LRCH3: variants seen among roughly 807,000 people sequenced by gnomAD.
The protein encoded by LRCH3 is DISP complex protein LRCH3.
Under a neutral mutation model 104.5 loss-of-function variants are expected in LRCH3, and 68 were observed. The ratio of observed to expected loss-of-function variants is 0.65; its 90% confidence interval spans 0.54 to 0.80. The LOEUF is 0.80. Ranked by LOEUF, LRCH3 falls within the 30% of genes least tolerant of loss-of-function variation. The probability of loss-of-function intolerance (pLI) is 0.00; values close to 1 mark genes in which losing one functional copy is unlikely to be tolerated. For synonymous variants in LRCH3, 344 were observed against 361.3 expected, an observed-to-expected ratio of 0.95 and a Z score of 0.54; for missense variants, 951 against 953.9, an observed-to-expected ratio of 1.00 and a Z score of 0.04.
chr3:197,799,593 G>A lies in LRCH3; in HGVS notation c.262+8053G>A, dbSNP rs576525898. ...ATTAAAAACAGGTTTTTGGCTAGGCGCGGTGGCTCATGCCTGTAATCCCAG... is the reference window on the plus strand; with the variant it reads ...ATTAAAAACAGGTTTTTGGCTAGGCACGGTGGCTCATGCCTGTAATCCCAG... On this transcript the variant is annotated intron_variant, in intron 1 of 20. Coordinates refer to ENST00000425562, the MANE Select transcript of LRCH3 (RefSeq NM_001365715.1). 1.4e-3 allele frequency among the ~76,000 whole-genome samples: 216 copies of A among 152,254 alleles called. 1 individual carries two copies. Among genetic ancestry groups the A allele is most frequent in the Non-Finnish European group, 2.3e-3 (156 of 68,006 alleles).
At position 197,886,629 on chromosome 3, in the gene LRCH3, A is replaced by ACCTT. The variant is rs963315491; in HGVS notation, c.*2964_*2967dup. 2 of 152,130 alleles carry ACCTT rather than the reference A, an allele frequency of 1.3e-5. No individual in the cohort carries two copies. The highest frequency in any genetic ancestry group is 4.8e-5 in the African/African-American group (2 of 41,410). The allele number at this position is 152,130 out of a possible 1,614,324, so 9.4% of individuals were successfully genotyped here. A position where few individuals can be genotyped will look rare whatever the true frequency, so the allele number is the denominator to read the frequency against. ...AAGCCAGCCTGGCCAACATGGTGAA[A>ACCTT]CCTTGTCTCTACTAAAAATACAAAA... is the stretch of plus-strand genomic sequence containing the variant. On this transcript the variant is annotated 3_prime_UTR_variant, in exon 21 of 21. Transcript: ENST00000425562.
rs1178879158 is a variant in LRCH3, at chr3:197,810,874, TA to T, written c.263-4026del. Among the ~76,000 whole-genome samples the T allele has an allele frequency of 7.9e-5, 12 of 152,004 alleles. No homozygotes were observed. The South Asian group carries it at 1.9e-3, about 24-fold the overall frequency. ...TTTAAAAGATAACCTAAAGTCAGGTTAAAAAAAATAAGACTTTTGAATGAAA... is the reference window on the plus strand; with the variant it reads ...TTTAAAAGATAACCTAAAGTCAGGTTAAAAAAATAAGACTTTTGAATGAAA... On this transcript the variant is annotated intron_variant, in intron 1 of 20. Transcript: ENST00000425562. The surrounding 1 kb of genome is among the most constrained non-coding windows in gnomAD (Gnocchi z 4.0).
intron 8 of LRCH3, 151 bp downstream of exon 8, chr3:197,832,468 T>C: frequency 1.4e-6 from 1 of 717,018 alleles, no homozygotes; most frequent in Non-Finnish European, 2.1e-6. Context: ...AAAAATACTA[T>C]TTTCCATTGG....
At chr3:197,870,348 C>A in intron 18 of LRCH3, 70 bp downstream of exon 18, 1 of 1,357,628 alleles carries the variant, frequency 7.4e-7, no homozygotes, top group Non-Finnish European at 1.0e-6. Context: ...GTGATCACGT[C>A]TTCATTTGAC....
intron 19 of LRCH3, among the ~76,000 whole-genome samples, chr3:197,875,269 A>ATC (rs1712747319): frequency 6.6e-6 from 1 of 152,126 alleles, no homozygotes; most frequent in Non-Finnish European, 1.5e-5. Flanking sequence ...AACATTTATT[A>ATC]TCTGATCCTT....
At chr3:197,835,653 G>A (rs767347913) in intron 8 of LRCH3, 21 bp from the exon 9 acceptor site, 12 of 1,590,772 alleles carry the variant, frequency 7.5e-6, no homozygotes, top group Non-Finnish European at 1.0e-5. Context: ...GTGTGTGTGG[G>A]TGTGTGTGTG....
intron 12 of LRCH3, 23 bp from the exon 13 acceptor site, chr3:197,852,538 T>G: frequency 6.2e-7 from 1 of 1,612,872 alleles, no homozygotes; most frequent in Non-Finnish European, 8.5e-7. Context: ...CTTCCTTTTT[T>G]GGGGGGTTTT....
intron 1 of LRCH3, among the ~76,000 whole-genome samples, chr3:197,792,592 T>TATATATATATATATATATAA (rs1293843574): frequency 1.4e-5 from 1 of 73,042 alleles, no homozygotes; most frequent in Admixed American, 1.8e-4. Context: ...TATATATATA[T>TATATATATATATATATATAA]ATATATATAT....
In LRCH3 at chr3:197,839,417, C is replaced by G; in HGVS notation, c.1328+20C>G. The G allele has an allele frequency of 6.9e-7, 1 of 1,459,816 alleles. No individual in the cohort carries two copies. Among genetic ancestry groups the G allele is most frequent in the Non-Finnish European group, 9.4e-7 (1 of 1,064,406 alleles). 90.4% of individuals were successfully genotyped at this position (1,459,816 alleles called of 1,614,324 possible). ...AAACAGGTTTGAAAAACCAATTCTA[C>G]TTAATTTGTTTCTGTCTTAATCATG... On this transcript the variant is annotated intron_variant, in intron 10 of 20. Transcript: ENST00000425562.
rs1415476923 is a variant in LRCH3, at chr3:197,810,526, C to A, written c.263-4382C>A. Reference sequence around the variant, plus strand: ...AGGCAAAAAGAAAACCCAGGGAATTCATTGCTATTGTTCCTTGAGTCCTGA... The same window carrying A: ...AGGCAAAAAGAAAACCCAGGGAATTAATTGCTATTGTTCCTTGAGTCCTGA... On this transcript the variant is annotated intron_variant, in intron 1 of 20. Coordinates refer to ENST00000425562, the MANE Select transcript of LRCH3 (RefSeq NM_001365715.1). This position sits in a 1 kb window ranked among gnomAD's most constrained non-coding sequence, Gnocchi z 4.0. Among the ~76,000 whole-genome samples, 2 of 152,160 alleles carry A rather than the reference C, an allele frequency of 1.3e-5. No homozygotes were observed. The highest frequency in any genetic ancestry group is 2.9e-5 in the Non-Finnish European group (2 of 68,016).
chr3:197,815,073 T>C (rs200221770), intron 2 of LRCH3, 21 bp downstream of exon 2: 2 of 1,389,422 alleles, frequency 1.4e-6, no homozygotes, highest in East Asian at 2.5e-5. Context: ...TGTTTTCTTA[T>C]TTTAAATTTT....
At chr3:197,832,406 T>G in intron 8 of LRCH3, 89 bp downstream of exon 8, 1 of 1,304,282 alleles carries the variant, frequency 7.7e-7, no homozygotes, top group South Asian at 1.5e-5. Context: ...TTTGTTGGTG[T>G]ATCTATAGCT....
chr3:197,801,495 G>C (rs1731892179), intron 1 of LRCH3, among the ~76,000 whole-genome samples: 1 of 152,096 alleles, frequency 6.6e-6, no homozygotes, highest in African/African-American at 2.4e-5. Context: ...TTCGACTTTT[G>C]TTGAGGCTAA....
Position 197,883,681 on chromosome 3 carries a change from G to T in LRCH3, c.*15G>T. On this transcript the variant is annotated 3_prime_UTR_variant, in exon 21 of 21. Transcript: ENST00000425562. This position sits in a 1 kb window ranked among gnomAD's most constrained non-coding sequence, Gnocchi z 4.2. ...CTGCTGTTTGAGGATCCCCAGGACG[G>T]TGGGCACTGGCCTGGCCAAAACAAG... 1 of 1,534,816 alleles carries T rather than the reference G, an allele frequency of 6.5e-7. No homozygotes were observed. The highest frequency in any genetic ancestry group is 8.7e-7 in the Non-Finnish European group (1 of 1,146,334).
intron 19 of LRCH3, among the ~76,000 whole-genome samples, chr3:197,874,431 C>T (rs1234336124): frequency 6.6e-6 from 1 of 152,190 alleles, no homozygotes; most frequent in East Asian, 1.9e-4. Context: ...CTCCCATCAT[C>T]CCCAGATGGG....
At chr3:197,804,705 G>C (rs1425297041) in intron 1 of LRCH3, among the ~76,000 whole-genome samples, 2 of 152,098 alleles carry the variant, frequency 1.3e-5, no homozygotes, top group Non-Finnish European at 2.9e-5. Context: ...TTAGTAACAC[G>C]AGGAGAACTA....
At chr3:197,852,755 T>C (rs1477538879) in intron 13 of LRCH3, 135 bp downstream of exon 13, 1 of 872,000 alleles carries the variant, frequency 1.1e-6, no homozygotes, top group Admixed American at 2.3e-5. Context: ...ATATTCTCCT[T>C]ATGAGGGAGA....
rs138250352 is a variant in LRCH3, at chr3:197,856,506, C to T, written c.1644+2061C>T. Among the ~76,000 whole-genome samples, 119 of 152,086 alleles carry T rather than the reference C, an allele frequency of 7.8e-4. No individual in the cohort carries two copies. The highest frequency in any genetic ancestry group is 2.6e-3 in the African/African-American group (109 of 41,480). ...TGAACATGGTTCCTTGAAGCATCAG[C>T]CTCTTGAGTAGCTGGGACTACGGGT... On this transcript the variant is annotated intron_variant, in intron 14 of 20. Transcript: ENST00000425562. The surrounding 1 kb of genome is among the most constrained non-coding windows in gnomAD (Gnocchi z 4.2).
chr3:197,837,956 A>G (rs1580734402), intron 9 of LRCH3, among the ~76,000 whole-genome samples: 1 of 151,658 alleles, frequency 6.6e-6, no homozygotes, highest in African/African-American at 2.4e-5. Context: ...GCCACTCGGG[A>G]GGCTGAGGCA....
Sources: allele counts gnomAD v4.1 joint callset (sites outside exome capture counted in the v4.1 genomes callset), GRCh38; gene constraint gnomAD v4.1.1; non-coding constraint Gnocchi (gnomAD v3.1); transcripts MANE v1.5; gene names NCBI Gene and HGNC (gene_info 2026-07-23, HGNC 2026-07-21).